Variants in IFT122 observed in about 807,000 individuals in gnomAD.
The protein encoded by IFT122 is intraflagellar transport 122, also known as intraflagellar transport protein 122 homolog.
Under a neutral mutation model 161.6 loss-of-function variants are expected in IFT122, and 118 were observed. That is an observed-to-expected ratio of 0.73 (90% CI 0.63 to 0.85). IFT122 has a LOEUF of 0.85. IFT122 is among the 40% of genes least tolerant of loss of function. The probability of loss-of-function intolerance (pLI) is 0.00; values close to 1 mark genes in which losing one functional copy is unlikely to be tolerated. For missense variants in IFT122, 1,381 were observed against 1,579.6 expected, an observed-to-expected ratio of 0.87 and a Z score of 2.13; for synonymous variants, 550 against 602.4, an observed-to-expected ratio of 0.91 and a Z score of 1.27.
chr3:129,479,825 A>T lies in IFT122; in HGVS notation c.1391A>T (p.Glu464Val). Residue 464 changes from glutamate (E) to valine (V), a missense_variant, in exon 13 of 30, where the codon GAG becomes GTG. Around this residue, in one of 7 missense-constraint regions of IFT122, gnomAD observed 544 missense variants for 648.0 expected, o/e 0.84. Coordinates refer to ENST00000348417, the MANE Select transcript of IFT122 (RefSeq NM_052989.3). ...LQCLSFSGVK[E>V]REWQMESLIR... ...TGCCTGTCCTTCAGCGGAGTGAAGG[A>T]GCGGGAGTGGCAGATGGAGTCTCTC... is the stretch of plus-strand genomic sequence containing the variant. 1 of 1,613,998 alleles carries T rather than the reference A, an allele frequency of 6.2e-7. No homozygotes were observed. Among genetic ancestry groups the T allele is most frequent in the Non-Finnish European group, 8.5e-7 (1 of 1,180,016 alleles).
At chr3:129,477,360 T>G (rs1437390421) in intron 11 of IFT122, among the ~76,000 whole-genome samples, 1 of 152,246 alleles carries the variant, frequency 6.6e-6, no homozygotes, top group East Asian at 1.9e-4. Context: ...GCTGGTTAAA[T>G]AGACTCAATC....
chr3:129,463,842 A>G (rs1328209009), intron 6 of IFT122, among the ~76,000 whole-genome samples: 1 of 152,204 alleles, frequency 6.6e-6, no homozygotes, highest in East Asian at 1.9e-4. Flanking sequence ...TCATGCAGTT[A>G]CTTAGCAACA....
chr3:129,467,053 A>G lies in IFT122; in HGVS notation c.727A>G (p.Arg243Gly). The change falls in exon 8 of 30, where the codon AGG (arginine) becomes GGG (glycine). Residue 243 changes from arginine to glycine, a missense_variant. Physicochemically the swap from Arg to Gly is moderately radical, Grantham distance 125. Around this residue, in one of 7 missense-constraint regions of IFT122, gnomAD observed 544 missense variants for 648.0 expected, o/e 0.84. Coordinates refer to ENST00000348417, the MANE Select transcript of IFT122 (RefSeq NM_052989.3). Reference sequence around the variant, plus strand: ...ACCAGAGGAAGAGGACGACAGTCCCAGGGACGACAACTTGTGAGTGTGTCC... The same window carrying G: ...ACCAGAGGAAGAGGACGACAGTCCCGGGGACGACAACTTGTGAGTGTGTCC... ...EEPEEEDDSP[R>G]DDNLEERNDI... 6.2e-7 allele frequency: 1 copy of G among 1,613,778 alleles called. No homozygotes were observed. The highest frequency in any genetic ancestry group is 8.5e-7 in the Non-Finnish European group (1 of 1,179,946).
intron 24 of IFT122, chr3:129,513,856 G>C (rs1261303096): frequency 3.8e-6 from 1 of 263,708 alleles, no homozygotes; most frequent in Non-Finnish European, 7.4e-6. Flanking sequence ...TCAGCCTCTG[G>C]CTGAGGAGCT....
intron 2 of IFT122, among the ~76,000 whole-genome samples, chr3:129,450,878 G>A (rs1464213817): frequency 1.3e-5 from 2 of 151,752 alleles, no homozygotes; most frequent in Non-Finnish European, 2.9e-5. Context: ...CTGCCGCTAC[G>A]CTCAGCTAAT....
intron 3 of IFT122, among the ~76,000 whole-genome samples, chr3:129,456,740 C>T (rs753751181): frequency 2.1e-4 from 32 of 151,884 alleles, no homozygotes; most frequent in Non-Finnish European, 4.0e-4. Flanking sequence ...CATGGAGAAA[C>T]CCCATCTCTA....
chr3:129,460,408 T>C (rs1345675066), intron 4 of IFT122, among the ~76,000 whole-genome samples: 1 of 152,198 alleles, frequency 6.6e-6, no homozygotes, highest in Non-Finnish European at 1.5e-5. Context: ...TTCTGTGTTG[T>C]AGCATGTGTC....
chr3:129,481,981 A>C (rs1459619661), intron 14 of IFT122, among the ~76,000 whole-genome samples: 1 of 152,244 alleles, frequency 6.6e-6, no homozygotes, highest in Non-Finnish European at 1.5e-5. Context: ...ACCATGAACA[A>C]GAAATGGGGC....
At chr3:129,491,200 C>T (rs1300786658) in intron 16 of IFT122, among the ~76,000 whole-genome samples, 1 of 152,258 alleles carries the variant, frequency 6.6e-6, no homozygotes, top group South Asian at 2.1e-4. Context: ...GCTCATCTCC[C>T]GAGGTCTTTT....
chr3:129,498,741 T>G (rs1334120930), intron 18 of IFT122, among the ~76,000 whole-genome samples: 1 of 151,968 alleles, frequency 6.6e-6, no homozygotes, highest in East Asian at 1.9e-4. Flanking sequence ...GGGAAAGGAG[T>G]GCTTTTTTTG....
chr3:129,508,204 A>G (rs2082386320), intron 23 of IFT122, among the ~76,000 whole-genome samples: 1 of 152,222 alleles, frequency 6.6e-6, no homozygotes, highest in African/African-American at 2.4e-5. Context: ...TTCTCTGTGA[A>G]ACTAGAGTGT....
At chr3:129,507,326 G>T (rs2082289260) in intron 22 of IFT122, among the ~76,000 whole-genome samples, 3 of 152,228 alleles carry the variant, frequency 2.0e-5, no homozygotes, top group Non-Finnish European at 4.4e-5. Flanking sequence ...GCCTGCCTTT[G>T]TCCCAGCAGG....
intron 12 of IFT122, among the ~76,000 whole-genome samples, chr3:129,479,079 A>T (rs988776924): frequency 6.6e-6 from 1 of 152,110 alleles, no homozygotes; most frequent in Non-Finnish European, 1.5e-5. Flanking sequence ...AAAGAGAAGA[A>T]TTCCTTAGGA....
intron 2 of IFT122, among the ~76,000 whole-genome samples, chr3:129,450,784 G>A (rs1243712900): frequency 7.0e-6 from 1 of 143,648 alleles, no homozygotes; most frequent in African/African-American, 2.6e-5. Context: ...GCAGTGACGC[G>A]ATCTCGGCTT....
At chr3:129,468,110 G>C (rs749579713) in intron 8 of IFT122, among the ~76,000 whole-genome samples, 22 of 152,172 alleles carry the variant, frequency 1.4e-4, no homozygotes, top group Non-Finnish European at 2.6e-4. Context: ...TCATCTGCAG[G>C]CTCCCTCATT....
At position 129,476,456 on chromosome 3, in the gene IFT122, C is replaced by T. The variant is rs778333423; in HGVS notation, c.958C>T (p.Gln320Ter). Residue 320 changes from glutamine to a stop codon, truncating the protein, a stop_gained, in exon 10 of 30, where the codon CAG (glutamine) becomes TAG (stop). Transcript: ENST00000348417. LOFTEE classifies it high-confidence loss of function. ...DGVRLGTVGE[Q>*]NSWVWTCQAK... is the part of the protein sequence containing the mutation. ...AGTGCGGCTTGGGACTGTTGGGGAG[C>T]AGAACTCCTGGGTGTGGACGTGTCA... The T allele has an allele frequency of 6.2e-7, 1 of 1,614,102 alleles. No homozygotes were observed. The highest frequency in any genetic ancestry group is 1.1e-5 in the South Asian group (1 of 91,074).
Position 129,499,984 on chromosome 3 carries a change from C to T in IFT122, c.2291C>T (p.Pro764Leu). 6.2e-7 allele frequency: 1 copy of T among 1,614,162 alleles called. No homozygotes were observed. Reference sequence around the variant, plus strand: ...GACTGGGCCAGAAATATCAAGGAGCCCAAAGCCGCCGTGGAGATGTACATC... The same window carrying T: ...GACTGGGCCAGAAATATCAAGGAGCTCAAAGCCGCCGTGGAGATGTACATC... Reference protein sequence around the residue: ...QADWARNIKEPKAAVEMYISA... With the variant: ...QADWARNIKELKAAVEMYISA... The change falls in exon 19 of 30, where the codon CCC becomes CTC. Residue 764 changes from proline to leucine, a missense_variant. Coordinates refer to ENST00000348417, the MANE Select transcript of IFT122 (RefSeq NM_052989.3).
chr3:129,477,242 G>A (rs1378203982), intron 11 of IFT122, among the ~76,000 whole-genome samples: 1 of 152,132 alleles, frequency 6.6e-6, no homozygotes, highest in Non-Finnish European at 1.5e-5. Flanking sequence ...GATGAGCAGT[G>A]GAATTGGATT....
chr3:129,520,257 G>A lies in IFT122; in HGVS notation c.3718G>A (p.Gly1240Ser), dbSNP rs759861376. Residue 1240 changes from glycine (G) to serine (S), a missense_variant, in exon 30 of 30, where the codon GGC (glycine) becomes AGC (serine). Transcript: ENST00000348417. Reference sequence around the variant, plus strand: ...CTGCCGCAGGTGCAAGGATGACCCTGGCCCATGACCAGCATCCTGGGGACG... The same window carrying A: ...CTGCCGCAGGTGCAAGGATGACCCTAGCCCATGACCAGCATCCTGGGGACG... The part of the protein sequence containing the change: ...PYCRRCKDDP[G>S]P The A allele has an allele frequency of 1.2e-6, 2 of 1,608,754 alleles. No individual in the cohort carries two copies. Among genetic ancestry groups the A allele is most frequent in the African/African-American group, 2.7e-5 (2 of 74,914 alleles).
Sources: allele counts gnomAD v4.1 joint callset (sites outside exome capture counted in the v4.1 genomes callset), GRCh38; gene constraint gnomAD v4.1.1; regional missense constraint gnomAD v4.1.1; transcripts MANE v1.5; gene names NCBI Gene and HGNC (gene_info 2026-07-23, HGNC 2026-07-21).